The following KCNJ12 variants were observed in gnomAD, a reference collection of about 807,000 sequenced individuals.
KCNJ12 encodes ATP-sensitive inward rectifier potassium channel 12.
In KCNJ12, 2 loss-of-function variants were observed where a neutral mutation model predicts 22.3. The observed-to-expected ratio is 0.09, with a 90% CI of 0.04 to 0.28. KCNJ12 has a LOEUF of 0.28. Among genes scored for constraint, KCNJ12 ranks in the 10% least tolerant of loss-of-function variants. The pLI, the probability that KCNJ12 is intolerant of heterozygous loss-of-function variation, is 1.00. For missense variants in KCNJ12, 155 were observed against 633.3 expected (o/e 0.24, Z 8.11); for synonymous variants, 117 against 261.4 (o/e 0.45, Z 5.33).
At chr17:21,379,540 G>T (rs549500176) in intron 1 of KCNJ12, among the ~76,000 whole-genome samples, 27 of 152,312 alleles carry the variant, frequency 1.8e-4, no homozygotes, top group Middle Eastern at 3.4e-3. Flanking sequence ...CCTGCCCTTG[G>T]AGCCCTGCCA....
chr17:21,378,894 C>T (rs1189484180), intron 1 of KCNJ12, among the ~76,000 whole-genome samples: 3 of 152,162 alleles, frequency 2.0e-5, no homozygotes, highest in Admixed American at 6.5e-5. Context: ...GGGACCCCTC[C>T]AGGAATGTGC....
At chr17:21,381,666 C>T (rs1319309999) in intron 1 of KCNJ12, among the ~76,000 whole-genome samples, 1 of 152,210 alleles carries the variant, frequency 6.6e-6, no homozygotes, top group Non-Finnish European at 1.5e-5. Flanking sequence ...CCCCTGATTC[C>T]CCTGTGGGAC....
rs1427254165 is a variant in KCNJ12 at position 21,400,412 on chromosome 17, C to T, written c.-178-8107C>T. ...CTCCCGGGTGGTCACACAGTCCCTCCTGTAGCCGGAATCTCCTGTGTTTCT... is the reference window on the plus strand; with the variant it reads ...CTCCCGGGTGGTCACACAGTCCCTCTTGTAGCCGGAATCTCCTGTGTTTCT... On this transcript the variant is annotated intron_variant, in intron 1 of 2. Coordinates refer to ENST00000583088, the MANE Select transcript of KCNJ12 (RefSeq NM_021012.5). Among the ~76,000 whole-genome samples the T allele has an allele frequency of 5.2e-5, 8 of 152,426 alleles. No homozygotes were observed. In the South Asian group the frequency reaches 1.2e-3, roughly 24 times the overall value.
At chr17:21,397,547 G>A (rs1215478335) in intron 1 of KCNJ12, among the ~76,000 whole-genome samples, 1 of 152,260 alleles carries the variant, frequency 6.6e-6, no homozygotes, top group Non-Finnish European at 1.5e-5. Flanking sequence ...CTGGCCTGGG[G>A]ACGGGAAGGA....
chr17:21,384,189 T>C (rs1904994208), intron 1 of KCNJ12, among the ~76,000 whole-genome samples: 1 of 152,194 alleles, frequency 6.6e-6, no homozygotes, highest in Admixed American at 6.5e-5. Context: ...CCCTGCACTA[T>C]GCGCACTGCT....
chr17:21,382,056 C>T (rs1481201426), intron 1 of KCNJ12, among the ~76,000 whole-genome samples: 2 of 152,248 alleles, frequency 1.3e-5, no homozygotes, highest in South Asian at 2.1e-4. Flanking sequence ...GAGCTGGATT[C>T]TGACCTTTTC....
intron 1 of KCNJ12, among the ~76,000 whole-genome samples, chr17:21,403,357 T>G (rs1360818382): frequency 1.3e-4 from 20 of 152,430 alleles, no homozygotes; most frequent in African/African-American, 4.8e-4. Context: ...TTCTTTTATT[T>G]TACTTACGAT....
At chr17:21,415,023 G>A (rs1906614781) in intron 2 of KCNJ12, among the ~76,000 whole-genome samples, 1 of 152,300 alleles carries the variant, frequency 6.6e-6, no homozygotes, top group African/African-American at 2.4e-5. Flanking sequence ...AGAAGGGGTC[G>A]GATCCTAAAT....
At chr17:21,408,346 A>G (rs1466359623) in intron 1 of KCNJ12, among the ~76,000 whole-genome samples, 173 bp from the exon 2 acceptor site, 9 of 152,172 alleles carry the variant, frequency 5.9e-5, no homozygotes, top group African/African-American at 1.9e-4. Flanking sequence ...GATGGTTGCT[A>G]TGCTGTGAAG....
At chr17:21,414,094 GGT>G (rs1157975410) in intron 2 of KCNJ12, among the ~76,000 whole-genome samples, 37 of 152,386 alleles carry the variant, frequency 2.4e-4, no homozygotes, top group African/African-American at 8.9e-4. Flanking sequence ...GGGGCATGTG[GGT>G]GTCAGGAGGG....
chr17:21,379,775 G>A (rs1414202027), intron 1 of KCNJ12, among the ~76,000 whole-genome samples: 1 of 151,054 alleles, frequency 6.6e-6, no homozygotes, highest in African/African-American at 2.4e-5. Context: ...GAGCTTCAGA[G>A]GCACCATGGG....
At chr17:21,384,316 C>T (rs1218193150) in intron 1 of KCNJ12, among the ~76,000 whole-genome samples, 1 of 152,090 alleles carries the variant, frequency 6.6e-6, no homozygotes, top group Non-Finnish European at 1.5e-5. Context: ...ACAGAGCCAC[C>T]GAAGTCCGTG....
At chr17:21,383,132 G>GC (rs1322900287) in intron 1 of KCNJ12, among the ~76,000 whole-genome samples, 3 of 152,206 alleles carry the variant, frequency 2.0e-5, no homozygotes, top group African/African-American at 7.2e-5. Flanking sequence ...AGGATGAAAG[G>GC]CCGGGGGCAG....
At chr17:21,382,528 T>C (rs1555558102) in intron 1 of KCNJ12, among the ~76,000 whole-genome samples, 1 of 152,082 alleles carries the variant, frequency 6.6e-6, no homozygotes, top group Non-Finnish European at 1.5e-5. Flanking sequence ...CGTTATAAAA[T>C]GTTTAAAAAT....
Position 21,415,280 on chromosome 17 carries a change from G to A in KCNJ12, c.-56-7G>A. ...CCCAGCCAGACATGCTGTCGTCTCTGTTGCAGGAGCCGCCCTGCCTGGAGC... is the reference window on the plus strand; with the variant it reads ...CCCAGCCAGACATGCTGTCGTCTCTATTGCAGGAGCCGCCCTGCCTGGAGC... On this transcript the variant is annotated splice_polypyrimidine_tract_variant and splice_region_variant and intron_variant, in intron 2 of 2. Transcript: ENST00000583088. The A allele has an allele frequency of 1.3e-6, 2 of 1,565,214 alleles. No homozygotes were observed. Among genetic ancestry groups the A allele is most frequent in the Non-Finnish European group, 1.7e-6 (2 of 1,162,764 alleles).
intron 1 of KCNJ12, among the ~76,000 whole-genome samples, chr17:21,402,189 G>A (rs2142063162): frequency 6.6e-6 from 1 of 152,418 alleles, no homozygotes; most frequent in Admixed American, 6.5e-5. Flanking sequence ...TCAGCCTCAA[G>A]GCCTTTGTGG....
intron 1 of KCNJ12, among the ~76,000 whole-genome samples, chr17:21,407,137 C>A (rs1263439687): frequency 1.3e-5 from 2 of 152,306 alleles, no homozygotes; most frequent in Non-Finnish European, 2.9e-5. Context: ...CCCTATCCAT[C>A]CATCTACCCA....
At chr17:21,381,628 C>T (rs1353481068) in intron 1 of KCNJ12, among the ~76,000 whole-genome samples, 1 of 152,128 alleles carries the variant, frequency 6.6e-6, no homozygotes, top group Non-Finnish European at 1.5e-5. Context: ...TCATGTCTTG[C>T]CCAGATGCCA....
intron 2 of KCNJ12, among the ~76,000 whole-genome samples, chr17:21,414,915 A>G (rs1330098926): frequency 6.6e-6 from 1 of 152,308 alleles, no homozygotes; most frequent in African/African-American, 2.4e-5. Context: ...TGTGGCTGCC[A>G]TGGAGACTGG....
Sources: allele counts gnomAD v4.1 joint callset (sites outside exome capture counted in the v4.1 genomes callset), GRCh38; gene constraint gnomAD v4.1.1; transcripts MANE v1.5; gene names NCBI Gene and HGNC (gene_info 2026-07-23, HGNC 2026-07-21).